RDX: variants seen among roughly 807,000 people sequenced by gnomAD.
RDX encodes radixin.
In RDX, 32 loss-of-function variants were observed where a neutral mutation model predicts 83.7. That is an observed-to-expected ratio of 0.38 (90% CI 0.29 to 0.51). The LOEUF (loss-of-function observed/expected upper bound fraction) is 0.51, where lower values mean the gene tolerates loss of function less well. Among genes scored for constraint, RDX ranks in the 20% least tolerant of loss-of-function variants. The probability of loss-of-function intolerance (pLI) is 0.87; values close to 1 mark genes in which losing one functional copy is unlikely to be tolerated. For synonymous variants in RDX, 229 were observed against 222.7 expected, an observed-to-expected ratio of 1.03 and a Z score of -0.25; for missense variants, 600 against 689.9, an observed-to-expected ratio of 0.87 and a Z score of 1.46.
At chr11:110,237,711 A>C in intron 10 of RDX, 59 bp from the exon 11 acceptor site, 1 of 1,566,804 alleles carries the variant, frequency 6.4e-7, no homozygotes, top group Non-Finnish European at 8.8e-7. Context: ...TCATTATCAA[A>C]AGAAGCTAAA....
At chr11:110,245,693 T>C (rs1466134306) in intron 10 of RDX, among the ~76,000 whole-genome samples, 1 of 152,190 alleles carries the variant, frequency 6.6e-6, no homozygotes, top group Non-Finnish European at 1.5e-5. Context: ...CTTAAAACTA[T>C]GTAAAATAAT....
chr11:110,253,489 G>A (rs1859416512), intron 9 of RDX, among the ~76,000 whole-genome samples: 1 of 151,904 alleles, frequency 6.6e-6, no homozygotes, highest in Non-Finnish European at 1.5e-5. Flanking sequence ...TTAAGTCTAA[G>A]AGAAACAGAG....
chr11:110,217,599 C>T (rs1291683970), intron 14 of RDX, among the ~76,000 whole-genome samples: 1 of 152,192 alleles, frequency 6.6e-6, no homozygotes, highest in African/African-American at 2.4e-5. Context: ...CCTCCTCACC[C>T]TCTACTCATA....
intron 4 of RDX, 99 bp from the exon 5 acceptor site, chr11:110,264,333 T>C (rs1859933344): frequency 6.2e-6 from 5 of 809,568 alleles, no homozygotes; most frequent in African/African-American, 1.7e-5. Context: ...TGAAGTGAAA[T>C]AGATTCTAAA....
At chr11:110,258,215 A>T in intron 5 of RDX, 26 bp from the exon 6 acceptor site, 5 of 1,368,254 alleles carry the variant, frequency 3.7e-6, no homozygotes, top group South Asian at 1.3e-5. Flanking sequence ...AAAAAAAAAA[A>T]TTATAATGAC....
chr11:110,204,737 G>T (rs902040971), intron 14 of RDX, among the ~76,000 whole-genome samples: 1 of 151,972 alleles, frequency 6.6e-6, no homozygotes, highest in Non-Finnish European at 1.5e-5. Flanking sequence ...GGCTGGTCTC[G>T]ATCTCCTGAC....
intron 14 of RDX, among the ~76,000 whole-genome samples, chr11:110,209,320 C>G (rs1263733365): frequency 1.3e-5 from 2 of 152,120 alleles, no homozygotes; most frequent in African/African-American, 2.4e-5. Context: ...ATATCCGGCA[C>G]CTGGCTCGGA....
intron 14 of RDX, among the ~76,000 whole-genome samples, chr11:110,200,551 C>T (rs1044337985): frequency 6.6e-6 from 1 of 152,184 alleles, no homozygotes; most frequent in African/African-American, 2.4e-5. Context: ...CTCTATCTTA[C>T]GAATGAGTTA....
At chr11:110,253,920 A>C in intron 9 of RDX, 26 bp downstream of exon 9, 2 of 1,610,516 alleles carry the variant, frequency 1.2e-6, no homozygotes, top group East Asian at 2.2e-5. Flanking sequence ...CTATCAATTA[A>C]AAGTGAAAGG....
chr11:110,247,546 CAT>C (rs1174997231), intron 10 of RDX, among the ~76,000 whole-genome samples, 155 bp downstream of exon 10: 28 of 152,184 alleles, frequency 1.8e-4, no homozygotes, highest in African/African-American at 6.3e-4. Flanking sequence ...CTTAGTGAAA[CAT>C]GTTTATGATG....
chr11:110,220,204 C>T (rs1201083360), intron 14 of RDX, among the ~76,000 whole-genome samples: 1 of 152,064 alleles, frequency 6.6e-6, no homozygotes, highest in Non-Finnish European at 1.5e-5. Flanking sequence ...AAAAATGGAA[C>T]CCAAAGGACT....
At chr11:110,260,381 T>C (rs1240014422) in intron 5 of RDX, among the ~76,000 whole-genome samples, 2 of 152,228 alleles carry the variant, frequency 1.3e-5, no homozygotes, top group African/African-American at 4.8e-5. Flanking sequence ...TTGGCAGTGC[T>C]GACCATTCTC....
intron 14 of RDX, among the ~76,000 whole-genome samples, chr11:110,214,597 T>C (rs1306446686): frequency 1.4e-5 from 1 of 72,524 alleles, no homozygotes; most frequent in Non-Finnish European, 2.7e-5. Flanking sequence ...AACCCAAATG[T>C]CCAACAATGA....
intron 5 of RDX, among the ~76,000 whole-genome samples, chr11:110,259,984 CTTCT>C (rs1433718168): frequency 6.6e-6 from 1 of 151,262 alleles, no homozygotes; most frequent in Non-Finnish European, 1.5e-5. Context: ...GGTAACTGTT[CTTCT>C]TTTTTTTTTT....
At chr11:110,207,594 A>G (rs1209950417) in intron 14 of RDX, among the ~76,000 whole-genome samples, 1 of 152,134 alleles carries the variant, frequency 6.6e-6, no homozygotes, top group Non-Finnish European at 1.5e-5. Context: ...TTTTGTACAG[A>G]ATGTGATTTA....
chr11:110,240,360 T>G (rs1156739502), intron 10 of RDX, among the ~76,000 whole-genome samples: 1 of 152,164 alleles, frequency 6.6e-6, no homozygotes, highest in Non-Finnish European at 1.5e-5. Flanking sequence ...AACTGGTGGT[T>G]ATCAAAGGCC....
chr11:110,204,238 C>A (rs1282849499), intron 14 of RDX, among the ~76,000 whole-genome samples: 2 of 147,288 alleles, frequency 1.4e-5, no homozygotes, highest in Non-Finnish European at 1.5e-5. Context: ...GAGAATGAAA[C>A]AAGGTTCCTT....
chr11:110,248,460 C>A (rs1164218818), intron 9 of RDX, among the ~76,000 whole-genome samples: 1 of 151,902 alleles, frequency 6.6e-6, no homozygotes. Flanking sequence ...CAATAAAGAC[C>A]ACTGAGACTA....
intron 14 of RDX, among the ~76,000 whole-genome samples, chr11:110,204,187 T>G (rs1259592294): frequency 6.6e-6 from 1 of 151,654 alleles, no homozygotes; most frequent in African/African-American, 2.4e-5. Flanking sequence ...AGAAAGTCTG[T>G]GTAGAAAGCC....
Sources: allele counts gnomAD v4.1 joint callset (sites outside exome capture counted in the v4.1 genomes callset), GRCh38; gene constraint gnomAD v4.1.1; transcripts MANE v1.5; gene names NCBI Gene and HGNC (gene_info 2026-07-23, HGNC 2026-07-21).